The following USP12 variants were observed in gnomAD, a reference collection of about 807,000 sequenced individuals.
USP12 encodes ubiquitin carboxyl-terminal hydrolase 12.
A neutral mutation model predicts 45.5 loss-of-function variants in USP12; 19 were observed. The ratio of observed to expected loss-of-function variants is 0.42; its 90% CI spans 0.29 to 0.61. The LOEUF is 0.61. USP12 is among the 20% of genes least tolerant of loss of function. The pLI is 0.22. For synonymous variants in USP12, 149 were observed against 148.8 expected, an observed-to-expected ratio of 1.00 and a Z score of -0.01; for missense variants, 242 against 447.7, an observed-to-expected ratio of 0.54 and a Z score of 4.15.
At chr13:27,144,499 T>TA (rs56311173) in intron 1 of USP12, among the ~76,000 whole-genome samples, 10,431 of 117,836 alleles carry the variant, frequency 0.089, 733 homozygotes, top group African/African-American at 0.21. Context: ...AGACTCTCTT[T>TA]AAAAAAAAAA....
chr13:27,106,822 T>C (rs1489190154), intron 2 of USP12, among the ~76,000 whole-genome samples: 1 of 151,972 alleles, frequency 6.6e-6, no homozygotes. Context: ...AATGTTGTTA[T>C]AAAACATTTA....
At chr13:27,090,684 A>G (rs563945428) in intron 4 of USP12, among the ~76,000 whole-genome samples, 2 of 152,312 alleles carry the variant, frequency 1.3e-5, no homozygotes, top group African/African-American at 4.8e-5. Flanking sequence ...TGCTCATGTG[A>G]ACTGGAATAG....
chr13:27,071,502 A>T (rs1873245308), intron 7 of USP12, among the ~76,000 whole-genome samples: 1 of 152,230 alleles, frequency 6.6e-6, no homozygotes, highest in African/African-American at 2.4e-5. Flanking sequence ...ACAGCAGAAC[A>T]TGCTGAGTTG....
chr13:27,103,824 C>T (rs114957933), intron 3 of USP12, among the ~76,000 whole-genome samples: 3,532 of 149,110 alleles, frequency 0.024, 135 homozygotes, highest in African/African-American at 0.083. Flanking sequence ...GAAAAAATAA[C>T]GAACACTGTA....
chr13:27,084,882 T>A (rs1284072515), intron 6 of USP12, among the ~76,000 whole-genome samples: 2 of 152,214 alleles, frequency 1.3e-5, no homozygotes, highest in Admixed American at 1.3e-4. Flanking sequence ...CTTCTGTGAT[T>A]CCATGTGGAT....
chr13:27,140,150 C>T (rs1393714069), intron 1 of USP12, among the ~76,000 whole-genome samples: 9 of 151,908 alleles, frequency 5.9e-5, no homozygotes, highest in African/African-American at 1.5e-4. Context: ...TTTTTCCCTA[C>T]GTGTTTTGAG....
At chr13:27,144,897 C>CA (rs1297791124) in intron 1 of USP12, among the ~76,000 whole-genome samples, 3 of 147,952 alleles carry the variant, frequency 2.0e-5, no homozygotes, top group Admixed American at 6.7e-5. Flanking sequence ...CTGTCTCTAC[C>CA]AAAAAAAGAA....
At chr13:27,092,683 G>A (rs971212688) in intron 4 of USP12, among the ~76,000 whole-genome samples, 7 of 152,054 alleles carry the variant, frequency 4.6e-5, no homozygotes, top group African/African-American at 1.4e-4. Flanking sequence ...AATTAACCCA[G>A]AATAAACTTT....
chr13:27,090,672 C>G (rs1419562772), intron 4 of USP12, among the ~76,000 whole-genome samples: 1 of 152,120 alleles, frequency 6.6e-6, no homozygotes, highest in Non-Finnish European at 1.5e-5. Flanking sequence ...AAAGTTATCA[C>G]TTGCTCATGT....
At chr13:27,117,445 T>C (rs564460473) in intron 1 of USP12, among the ~76,000 whole-genome samples, 2 of 152,264 alleles carry the variant, frequency 1.3e-5, no homozygotes, top group Middle Eastern at 3.4e-3. Flanking sequence ...TGATTGCAGC[T>C]GACAGCAGTC....
At chr13:27,127,145 T>C (rs946796844) in intron 1 of USP12, among the ~76,000 whole-genome samples, 4 of 152,204 alleles carry the variant, frequency 2.6e-5, no homozygotes, top group Non-Finnish European at 5.9e-5. Flanking sequence ...CTGTAAATGT[T>C]CACAATGAGA....
intron 1 of USP12, among the ~76,000 whole-genome samples, chr13:27,146,867 T>C (rs2137826800): frequency 6.6e-6 from 1 of 152,360 alleles, no homozygotes; most frequent in South Asian, 2.1e-4. Flanking sequence ...GTCATGAAGG[T>C]AATTCCTAAT....
intron 1 of USP12, among the ~76,000 whole-genome samples, chr13:27,160,062 T>G (rs1209206301): frequency 6.6e-6 from 1 of 152,170 alleles, no homozygotes; most frequent in Non-Finnish European, 1.5e-5. Context: ...GTGCAGTCTT[T>G]AAAGAACGAA....
chr13:27,085,237 A>G (rs1341441013), intron 6 of USP12, among the ~76,000 whole-genome samples: 2 of 151,060 alleles, frequency 1.3e-5, no homozygotes, highest in African/African-American at 4.9e-5. Context: ...CAGTGGCGCC[A>G]TCTCAGCTCA....
chr13:27,079,795 C>T (rs968558299), intron 6 of USP12, among the ~76,000 whole-genome samples: 10 of 152,194 alleles, frequency 6.6e-5, no homozygotes, highest in African/African-American at 2.4e-4. Flanking sequence ...TAAGAACTTA[C>T]CAACATCCTG....
At chr13:27,159,650 T>C (rs189605481) in intron 1 of USP12, among the ~76,000 whole-genome samples, 9 of 152,368 alleles carry the variant, frequency 5.9e-5, no homozygotes, top group Non-Finnish European at 1.2e-4. Flanking sequence ...CAAACTTTCC[T>C]ACACCTTTAT....
At position 27,103,598 on chromosome 13, in the gene USP12, C is replaced by CAAAAAA. The variant is rs376135830; in HGVS notation, c.343+2127_343+2132dup. On this transcript the variant is annotated intron_variant, in intron 3 of 8. Coordinates refer to ENST00000282344, the MANE Select transcript of USP12 (RefSeq NM_182488.4). The stretch of plus-strand genomic sequence containing the variant: ...AAAGAATTAGTAACTATTGAACTAT[C>CAAAAAA]AAAAAAAAAAATAATAATAATAATA... Among the ~76,000 whole-genome samples the CAAAAAA allele has an allele frequency of 3.2e-3, 412 of 128,730 alleles. 5 individuals are homozygous for CAAAAAA. The highest frequency in any genetic ancestry group is 9.8e-3 in the African/African-American group (336 of 34,204). 84.5% of individuals were successfully genotyped at this position (128,730 alleles called of 152,430 possible).
In USP12 at chr13:27,069,353, T is replaced by A. The variant is rs751517479; in HGVS notation, c.1043A>T (p.Tyr348Phe). The change falls in exon 9 of 9, where the codon TAC becomes TTC. Residue 348 changes from tyrosine to phenylalanine, a missense_variant. By Grantham distance (22) the Tyr-to-Phe change is conservative. Coordinates refer to ENST00000282344, the MANE Select transcript of USP12 (RefSeq NM_182488.4). ...CTTTGAGATATCTGATGTCAACCCG[T>A]AGAATTCTTCAATAGCTTGTGCATC... The part of the protein sequence containing the change: ...KIDAQAIEEF[Y>F]GLTSDISKNS... 3.1e-6 allele frequency: 5 copies of A among 1,613,256 alleles called. No homozygotes were observed. Among genetic ancestry groups the A allele is most frequent in the Admixed American group, 1.7e-5 (1 of 60,016 alleles).
intron 4 of USP12, among the ~76,000 whole-genome samples, chr13:27,094,635 A>T (rs74041147): frequency 0.012 from 1,859 of 152,234 alleles, 48 homozygotes; most frequent in African/African-American, 0.043. Context: ...CATGAATGAT[A>T]TATTATTATT....
Sources: gnomAD v4.1 joint callset for allele counts (sites outside exome capture counted in the v4.1 genomes callset) on GRCh38, gnomAD v4.1.1 for gene constraint, MANE v1.5 for transcripts, NCBI Gene and HGNC (gene_info 2026-07-23, HGNC 2026-07-21) for gene names.